Variants in MGAT4C observed in about 807,000 individuals in gnomAD.
MGAT4C encodes the protein MGAT4 family member C, also known as alpha-1,3-mannosyl-glycoprotein 4-beta-N-acetylglucosaminyltransferase C.
In MGAT4C, 19 loss-of-function variants were observed where a neutral mutation model predicts 40.1. That is an observed-to-expected ratio of 0.47 (90% confidence interval 0.33 to 0.70). The LOEUF is 0.70. Ranked by LOEUF, MGAT4C falls within the 30% of genes least tolerant of loss-of-function variation. The pLI is 0.02. For missense variants in MGAT4C, 491 were observed against 563.2 expected (o/e 0.87, Z 1.30); for synonymous variants, 181 against 187.1 (o/e 0.97, Z 0.27).
chr12:86,442,711 T>C (rs1957254899), intron 2 of MGAT4C, among the ~76,000 whole-genome samples: 1 of 151,924 alleles, frequency 6.6e-6, no homozygotes, highest in Admixed American at 6.6e-5. Context: ...TATATCTCTG[T>C]TTTGGTACCA....
chr12:86,664,249 CT>C (rs1964047409), intron 2 of MGAT4C, among the ~76,000 whole-genome samples: 1 of 151,070 alleles, frequency 6.6e-6, no homozygotes, highest in African/African-American at 2.4e-5. Context: ...ATACTACTTT[CT>C]CTCTCACTCT....
intron 2 of MGAT4C, among the ~76,000 whole-genome samples, chr12:86,045,334 A>G (rs1892286493): frequency 2.0e-5 from 3 of 152,132 alleles, no homozygotes; most frequent in Admixed American, 2.0e-4. Context: ...GGCTTATCCT[A>G]GTTGCCTACA....
At chr12:86,564,701 A>C (rs900555291) in intron 2 of MGAT4C, among the ~76,000 whole-genome samples, 2 of 152,204 alleles carry the variant, frequency 1.3e-5, no homozygotes, top group African/African-American at 4.8e-5. Flanking sequence ...TCGTACAATC[A>C]AGAAAGATTC....
intron 3 of MGAT4C, among the ~76,000 whole-genome samples, chr12:86,419,886 T>C (rs1956788112): frequency 6.6e-6 from 1 of 152,150 alleles, no homozygotes; most frequent in African/African-American, 2.4e-5. Flanking sequence ...GAAATTACTT[T>C]GTATGTTATG....
intron 2 of MGAT4C, among the ~76,000 whole-genome samples, chr12:86,691,288 G>C (rs759198264): frequency 1.3e-5 from 2 of 152,204 alleles, no homozygotes; most frequent in Non-Finnish European, 2.9e-5. Flanking sequence ...CAGTATAAGA[G>C]AGAAACCAAA....
chr12:86,002,702 T>A (rs147543669), intron 2 of MGAT4C, among the ~76,000 whole-genome samples: 1 of 149,336 alleles, frequency 6.7e-6, no homozygotes, highest in South Asian at 2.1e-4. Context: ...TCTATATATA[T>A]AGAATATATA....
At chr12:86,744,795 T>C (rs941862674) in intron 1 of MGAT4C, among the ~76,000 whole-genome samples, 4 of 151,504 alleles carry the variant, frequency 2.6e-5, no homozygotes, top group African/African-American at 9.7e-5. Flanking sequence ...CTCCTTCAAG[T>C]GTGTCACTTA....
intron 3 of MGAT4C, among the ~76,000 whole-genome samples, chr12:86,380,945 T>G (rs551474866): frequency 6.6e-6 from 1 of 152,128 alleles, no homozygotes; most frequent in Non-Finnish European, 1.5e-5. Context: ...GAGAAGTATA[T>G]GAAAATATGA....
At chr12:86,341,821 C>A (rs1378518435) in intron 3 of MGAT4C, among the ~76,000 whole-genome samples, 1 of 152,152 alleles carries the variant, frequency 6.6e-6, no homozygotes, top group Non-Finnish European at 1.5e-5. Context: ...TTCAGCCACA[C>A]CCACCTGAGC....
intron 1 of MGAT4C, among the ~76,000 whole-genome samples, chr12:86,216,095 T>A (rs936234578): frequency 6.6e-6 from 1 of 152,184 alleles, no homozygotes; most frequent in Non-Finnish European, 1.5e-5. Context: ...CTCCATTTTC[T>A]GGGATACTGG....
chr12:86,399,893 G>C (rs934462701), intron 3 of MGAT4C, among the ~76,000 whole-genome samples: 1 of 152,188 alleles, frequency 6.6e-6, no homozygotes, highest in Non-Finnish European at 1.5e-5. Context: ...GTTTCTTTGT[G>C]TTCTGTGTCC....
At chr12:86,467,734 G>T (rs1411313243) in intron 2 of MGAT4C, among the ~76,000 whole-genome samples, 1 of 152,022 alleles carries the variant, frequency 6.6e-6, no homozygotes, top group East Asian at 1.9e-4. Context: ...TCTGAAAACA[G>T]CTTTCTCTTC....
intron 2 of MGAT4C, among the ~76,000 whole-genome samples, chr12:86,620,623 A>G (rs1279137602): frequency 6.6e-6 from 1 of 152,182 alleles, no homozygotes; most frequent in African/African-American, 2.4e-5. Flanking sequence ...CACTAGTTGT[A>G]TGATGGATAA....
intron 4 of MGAT4C, among the ~76,000 whole-genome samples, chr12:86,292,284 A>G (rs992286079): frequency 6.6e-6 from 1 of 151,946 alleles, no homozygotes; most frequent in Non-Finnish European, 1.5e-5. Context: ...GAACTATTAA[A>G]ATATTTTTTT....
intron 3 of MGAT4C, among the ~76,000 whole-genome samples, chr12:86,391,658 A>G (rs1339960394): frequency 6.6e-6 from 1 of 152,122 alleles, no homozygotes; most frequent in Non-Finnish European, 1.5e-5. Context: ...GGAGATCGAG[A>G]CCATCCTGAC....
intron 1 of MGAT4C, among the ~76,000 whole-genome samples, chr12:86,074,745 G>T (rs1049303131): frequency 6.6e-6 from 1 of 152,100 alleles, no homozygotes; most frequent in East Asian, 1.9e-4. Flanking sequence ...TGAAAGGCAC[G>T]TCCTACATGG....
At chr12:86,190,674 T>C (rs181241580) in intron 1 of MGAT4C, among the ~76,000 whole-genome samples, 124 of 152,228 alleles carry the variant, frequency 8.1e-4, no homozygotes, top group African/African-American at 2.8e-3. Context: ...AAGTAAATAC[T>C]CTGTGATGAT....
intron 2 of MGAT4C, among the ~76,000 whole-genome samples, chr12:86,609,617 T>C (rs1962173631): frequency 6.6e-6 from 1 of 152,092 alleles, no homozygotes; most frequent in Admixed American, 6.6e-5. Context: ...GGGCTAAAAA[T>C]ATTATGTTAA....
At chr12:86,044,504 A>T (rs1388831181) in intron 2 of MGAT4C, among the ~76,000 whole-genome samples, 2 of 151,894 alleles carry the variant, frequency 1.3e-5, no homozygotes, top group African/African-American at 2.4e-5. Context: ...CTGGCAGAGG[A>T]GGGGAGGCAA....
Sources: allele counts gnomAD v4.1 joint callset (sites outside exome capture counted in the v4.1 genomes callset), GRCh38; gene constraint gnomAD v4.1.1; transcripts MANE v1.5; gene names NCBI Gene and HGNC (gene_info 2026-07-23, HGNC 2026-07-21).